Variants in THRB observed in about 807,000 individuals in gnomAD.
THRB encodes thyroid hormone receptor beta, also known as nuclear receptor subfamily 1 group A member 2.
In THRB, 12 loss-of-function variants were observed where a neutral mutation model predicts 47.8. The observed-to-expected ratio is 0.25, with a 90% CI of 0.16 to 0.41. THRB has a LOEUF of 0.41. Ranked by LOEUF, THRB falls within the 10% of genes least tolerant of loss-of-function variation. The pLI is 1.00. For missense variants in THRB, 348 were observed against 589.2 expected, an observed-to-expected ratio of 0.59 and a Z score of 4.24; for synonymous variants, 218 against 212.2, an observed-to-expected ratio of 1.03 and a Z score of -0.24.
chr3:24,363,455 G>A (rs2064217833), intron 1 of THRB, among the ~76,000 whole-genome samples: 1 of 152,134 alleles, frequency 6.6e-6, no homozygotes, highest in Admixed American at 6.6e-5. Context: ...GGGGAACTTG[G>A]TAAATATTAA....
chr3:24,397,707 C>T (rs528469182), intron 1 of THRB, among the ~76,000 whole-genome samples: 2 of 151,662 alleles, frequency 1.3e-5, no homozygotes. Flanking sequence ...CTCAGCCTCC[C>T]AAGTAGTTGA....
chr3:24,362,920 T>TAC (rs769284977), intron 1 of THRB, among the ~76,000 whole-genome samples: 1 of 152,156 alleles, frequency 6.6e-6, no homozygotes, highest in Non-Finnish European at 1.5e-5. Flanking sequence ...TAGAAAATGA[T>TAC]ACATGTGACA....
chr3:24,430,625 C>T (rs1227129899), intron 1 of THRB: 1 of 151,528 alleles, frequency 6.6e-6, no homozygotes, highest in Admixed American at 6.6e-5. Flanking sequence ...CATTTAAGTA[C>T]TAAAAGAAAG....
rs1553776484 is a variant in THRB, at chr3:24,481,241, T to TTTGTTTTTTTTTTG, written c.-261+13410_-261+13411insCAAAAAAAAAACAA. On this transcript the variant is annotated intron_variant, in intron 1 of 10. Coordinates refer to ENST00000646209, the MANE Select transcript of THRB (RefSeq NM_001354712.2). ...TGCGTTTCTTTCTGTTTTTTTTTTTTTTTTTTTTTTTTTTTTACGGAAAAA... is the reference window on the plus strand; with the variant it reads ...TGCGTTTCTTTCTGTTTTTTTTTTTTTTGTTTTTTTTTTGTTTTTTTTTTTTTTTTACGGAAAAA... Among the ~76,000 whole-genome samples, 361 of 146,312 alleles carry TTTGTTTTTTTTTTG rather than the reference T, an allele frequency of 2.5e-3. 5 individuals are homozygous for TTTGTTTTTTTTTTG. The highest frequency in any genetic ancestry group is 8.9e-3 in the African/African-American group (349 of 39,084).
chr3:24,301,754 G>A (rs2056959587), intron 2 of THRB, among the ~76,000 whole-genome samples: 1 of 152,156 alleles, frequency 6.6e-6, no homozygotes. Context: ...CATGGCAAAA[G>A]GGACTTTGCA....
At chr3:24,128,825 G>A (rs960965416) in intron 9 of THRB, among the ~76,000 whole-genome samples, 5 of 138,784 alleles carry the variant, frequency 3.6e-5, no homozygotes, top group Non-Finnish European at 7.7e-5. Context: ...AACTGGATCT[G>A]TCAGAATCCA....
intron 1 of THRB, among the ~76,000 whole-genome samples, chr3:24,481,271 A>C (rs1051095556): frequency 6.0e-5 from 8 of 133,470 alleles, no homozygotes; most frequent in African/African-American, 2.2e-4. Flanking sequence ...GAAAAAGAAA[A>C]CAGCAGAGCT....
chr3:24,133,642 C>T (rs1341891822), intron 8 of THRB, among the ~76,000 whole-genome samples, 180 bp from the exon 9 acceptor site: 1 of 151,830 alleles, frequency 6.6e-6, no homozygotes, highest in Non-Finnish European at 1.5e-5. Flanking sequence ...TATGTTTTGG[C>T]CATTGCTTTA....
chr3:24,300,955 T>C (rs959184582), intron 2 of THRB, among the ~76,000 whole-genome samples: 23 of 152,210 alleles, frequency 1.5e-4, no homozygotes, highest in African/African-American at 5.1e-4. Flanking sequence ...TAAGGATCTC[T>C]ACATGAAATT....
At chr3:24,483,337 G>A (rs766713627) in intron 1 of THRB, among the ~76,000 whole-genome samples, 1 of 151,920 alleles carries the variant, frequency 6.6e-6, no homozygotes, top group Non-Finnish European at 1.5e-5. Flanking sequence ...AGGAAAATTG[G>A]TATTTTTAAG....
At chr3:24,403,177 AATC>A in intron 1 of THRB, among the ~76,000 whole-genome samples, 1 of 152,124 alleles carries the variant, frequency 6.6e-6, no homozygotes, top group Admixed American at 6.6e-5. Flanking sequence ...TACAGAATGG[AATC>A]ATTTATGTAA....
chr3:24,280,811 G>A (rs1339067892), intron 3 of THRB, among the ~76,000 whole-genome samples: 16 of 151,194 alleles, frequency 1.1e-4, no homozygotes, highest in Non-Finnish European at 2.2e-4. Flanking sequence ...AGGAGCCCAT[G>A]CGATCAACTG....
chr3:24,197,992 C>T (rs971298802), intron 4 of THRB, among the ~76,000 whole-genome samples: 72 of 152,338 alleles, frequency 4.7e-4, no homozygotes, highest in African/African-American at 1.6e-3. Flanking sequence ...CTGACTTAAT[C>T]GGTTAGTCCA....
intron 1 of THRB, among the ~76,000 whole-genome samples, chr3:24,432,241 C>G (rs760986461): frequency 6.6e-6 from 1 of 152,040 alleles, no homozygotes; most frequent in Non-Finnish European, 1.5e-5. Flanking sequence ...GGAAGGCAGG[C>G]CTCCTTAACC....
At chr3:24,259,059 C>T (rs942561946) in intron 3 of THRB, among the ~76,000 whole-genome samples, 2 of 152,134 alleles carry the variant, frequency 1.3e-5, no homozygotes, top group East Asian at 1.9e-4. Flanking sequence ...CCTTCGTGCC[C>T]CCACTGCAGA....
intron 2 of THRB, among the ~76,000 whole-genome samples, chr3:24,333,591 C>T (rs1313394570): frequency 6.6e-6 from 1 of 152,206 alleles, no homozygotes. Context: ...AAATCTCTTG[C>T]TAAATTAAAT....
At chr3:24,231,039 T>C (rs1328580634) in intron 3 of THRB, among the ~76,000 whole-genome samples, 1 of 152,206 alleles carries the variant, frequency 6.6e-6, no homozygotes, top group Non-Finnish European at 1.5e-5. Context: ...CGGCTCTTCC[T>C]GAGGCCCAGC....
chr3:24,375,080 TTC>T (rs2149786615), intron 1 of THRB, among the ~76,000 whole-genome samples: 1 of 151,904 alleles, frequency 6.6e-6, no homozygotes, highest in African/African-American at 2.4e-5. Context: ...TTTTTTTTCA[TTC>T]TGTTACTTTC....
At chr3:24,173,475 A>G (rs1461261875) in intron 5 of THRB, among the ~76,000 whole-genome samples, 1 of 152,184 alleles carries the variant, frequency 6.6e-6, no homozygotes. Flanking sequence ...GTACCATAAT[A>G]CACAACAAAC....
Sources: allele counts gnomAD v4.1 joint callset (sites outside exome capture counted in the v4.1 genomes callset), GRCh38; gene constraint gnomAD v4.1.1; transcripts MANE v1.5; gene names NCBI Gene and HGNC (gene_info 2026-07-23, HGNC 2026-07-21).